Variants in ADAMTSL3 observed in about 807,000 individuals in gnomAD.
ADAMTSL3 encodes the protein ADAMTS like 3, also known as ADAMTS-like protein 3.
A neutral mutation model predicts 201.7 loss-of-function variants in ADAMTSL3; 128 were observed. That is an observed-to-expected ratio of 0.63 (90% CI 0.55 to 0.73). ADAMTSL3 has a LOEUF of 0.73. Ranked by LOEUF, ADAMTSL3 falls within the 30% of genes least tolerant of loss-of-function variation. The probability of loss-of-function intolerance (pLI) is 0.00; values close to 1 mark genes in which losing one functional copy is unlikely to be tolerated. For missense variants in ADAMTSL3, 1,990 were observed against 2,119.6 expected (o/e 0.94, Z 1.20); for synonymous variants, 738 against 748.4 (o/e 0.99, Z 0.23).
chr15:83,684,653 C>T (rs1321287932), intron 2 of ADAMTSL3, among the ~76,000 whole-genome samples: 1 of 152,142 alleles, frequency 6.6e-6, no homozygotes, highest in Admixed American at 6.5e-5. Context: ...GCTTCAATTA[C>T]TGGGCATTAT....
chr15:83,660,428 A>C (rs1439213471), intron 2 of ADAMTSL3, among the ~76,000 whole-genome samples: 1 of 151,986 alleles, frequency 6.6e-6, no homozygotes, highest in African/African-American at 2.4e-5. Flanking sequence ...GGTAGCCCTG[A>C]CTCTGACATG....
intron 3 of ADAMTSL3, among the ~76,000 whole-genome samples, chr15:83,726,778 G>A (rs2062182830): frequency 6.6e-6 from 1 of 151,732 alleles, no homozygotes; most frequent in Non-Finnish European, 1.5e-5. Context: ...CTAATTTATT[G>A]TTGATTTCAG....
intron 28 of ADAMTSL3, among the ~76,000 whole-genome samples, chr15:84,034,121 G>A (rs573528854): frequency 6.6e-6 from 1 of 152,224 alleles, no homozygotes; most frequent in Admixed American, 6.5e-5. Flanking sequence ...ATATCTGGTG[G>A]TTTATGGATG....
chr15:83,959,887 T>G (rs565153229), intron 19 of ADAMTSL3, among the ~76,000 whole-genome samples: 1 of 152,240 alleles, frequency 6.6e-6, no homozygotes, highest in South Asian at 2.1e-4. Context: ...AAAAAAGGGT[T>G]TACAAACCAT....
At chr15:83,713,396 A>G (rs543513486) in intron 3 of ADAMTSL3, among the ~76,000 whole-genome samples, 1 of 152,364 alleles carries the variant, frequency 6.6e-6, no homozygotes, top group Non-Finnish European at 1.5e-5. Context: ...CTCCTCAGGC[A>G]TAGTGAAGGG....
At chr15:83,940,150 A>G (rs1339542518) in intron 17 of ADAMTSL3, among the ~76,000 whole-genome samples, 1 of 152,182 alleles carries the variant, frequency 6.6e-6, no homozygotes. Context: ...TGATATTTCT[A>G]TTAGTGTGCA....
chr15:83,713,094 C>T (rs966136895), intron 3 of ADAMTSL3, among the ~76,000 whole-genome samples: 2 of 152,148 alleles, frequency 1.3e-5, no homozygotes, highest in Non-Finnish European at 2.9e-5. Flanking sequence ...TGTCATCCCT[C>T]ACCTTCTATG....
intron 5 of ADAMTSL3, among the ~76,000 whole-genome samples, chr15:83,805,741 G>A (rs1345647789): frequency 6.6e-6 from 1 of 152,152 alleles, no homozygotes; most frequent in Non-Finnish European, 1.5e-5. Context: ...AGACTAGAGT[G>A]TCTGAGGGAG....
intron 21 of ADAMTSL3, among the ~76,000 whole-genome samples, chr15:83,983,867 C>T (rs768895638): frequency 4.7e-4 from 72 of 152,196 alleles, no homozygotes; most frequent in Non-Finnish European, 7.2e-4. Flanking sequence ...AACCAAGGGC[C>T]GTATCTCTTG....
chr15:83,960,405 G>C (rs1030845136), intron 19 of ADAMTSL3, among the ~76,000 whole-genome samples: 1 of 152,106 alleles, frequency 6.6e-6, no homozygotes, highest in African/African-American at 2.4e-5. Context: ...TTCCTCAGGC[G>C]CCGAGCAGGG....
At chr15:83,667,174 A>C (rs2061258628) in intron 2 of ADAMTSL3, among the ~76,000 whole-genome samples, 1 of 152,092 alleles carries the variant, frequency 6.6e-6, no homozygotes, top group Non-Finnish European at 1.5e-5. Context: ...ATTTCTTTTT[A>C]AATATTTAAA....
chr15:83,739,707 G>T (rs2062424898), intron 3 of ADAMTSL3: 1 of 340,772 alleles, frequency 2.9e-6, no homozygotes, highest in Admixed American at 2.8e-5. Context: ...TGCACTTCTT[G>T]GTAGTCTGTT....
At chr15:83,981,036 C>T (rs1411658793) in intron 20 of ADAMTSL3, among the ~76,000 whole-genome samples, 1 of 152,206 alleles carries the variant, frequency 6.6e-6, no homozygotes, top group East Asian at 1.9e-4. Flanking sequence ...CCTTCTAAAT[C>T]CAGAGGTATT....
intron 3 of ADAMTSL3, 54 bp downstream of exon 3, chr15:83,704,562 G>C: frequency 6.7e-7 from 1 of 1,496,312 alleles, no homozygotes; most frequent in Non-Finnish European, 8.8e-7. Context: ...CCAGTGGTCA[G>C]GAAACTGTCT....
At chr15:83,963,210 C>T (rs2067006326) in intron 19 of ADAMTSL3, among the ~76,000 whole-genome samples, 1 of 152,142 alleles carries the variant, frequency 6.6e-6, no homozygotes, top group Admixed American at 6.5e-5. Context: ...CCAGGCCTAG[C>T]TCAGCAGATC....
intron 2 of ADAMTSL3, among the ~76,000 whole-genome samples, chr15:83,667,964 C>T (rs2061271707): frequency 6.6e-6 from 1 of 151,986 alleles, no homozygotes; most frequent in African/African-American, 2.4e-5. Flanking sequence ...GATAGGACTC[C>T]AGAGAAAAGA....
chr15:83,906,573 A>T (rs2065835982), intron 15 of ADAMTSL3, among the ~76,000 whole-genome samples: 1 of 149,418 alleles, frequency 6.7e-6, no homozygotes, highest in Non-Finnish European at 1.5e-5. Context: ...ATTCTGGGAA[A>T]ACTGGTAATT....
intron 24 of ADAMTSL3, among the ~76,000 whole-genome samples, chr15:84,015,290 C>T (rs1429215129): frequency 4.6e-5 from 7 of 152,070 alleles, no homozygotes; most frequent in Non-Finnish European, 1.0e-4. Flanking sequence ...GAAATTGAAC[C>T]ATTGGCAAAA....
chr15:83,665,972 T>C (rs2061243021), intron 2 of ADAMTSL3, among the ~76,000 whole-genome samples: 1 of 152,164 alleles, frequency 6.6e-6, no homozygotes, highest in African/African-American at 2.4e-5. Context: ...TTGCCTTTTT[T>C]TAAAATTTAA....
Sources: gnomAD v4.1 joint callset for allele counts (sites outside exome capture counted in the v4.1 genomes callset) on GRCh38, gnomAD v4.1.1 for gene constraint, MANE v1.5 for transcripts, NCBI Gene and HGNC (gene_info 2026-07-23, HGNC 2026-07-21) for gene names.